The following TMEM235 variants were observed in gnomAD, a reference collection of about 807,000 sequenced individuals.
TMEM235 encodes claudin-27.
In TMEM235, 23 loss-of-function variants were observed where a neutral mutation model predicts 22.9. The observed-to-expected ratio is 1.00, with a 90% CI of 0.72 to 1.42. The LOEUF (loss-of-function observed/expected upper bound fraction) is 1.42, where lower values mean the gene tolerates loss of function less well. Ranked by LOEUF, TMEM235 falls within the 40% of genes most tolerant of loss-of-function variation. The pLI is 0.00. For synonymous variants in TMEM235, 137 were observed against 140.5 expected (o/e 0.98, Z 0.17); for missense variants, 308 against 299.5 (o/e 1.03, Z -0.21).
Position 78,238,986 on chromosome 17 carries a change from C to T in TMEM235, c.410-38C>T. 3 of 1,520,164 alleles carry T rather than the reference C, an allele frequency of 2.0e-6. No homozygotes were observed. The highest frequency in any genetic ancestry group is 2.6e-6 in the Non-Finnish European group (3 of 1,133,908). 94.2% of individuals were successfully genotyped at this position (1,520,164 alleles called of 1,614,324 possible). On this transcript the variant is annotated intron_variant, in intron 4 of 5. Transcript: ENST00000421688. This position sits in a 1 kb window ranked among gnomAD's most constrained non-coding sequence, Gnocchi z 4.3. ...CCACCTGGGCCTGGGCCCGCTAGAGCAGACACCGAGCAGCTGCCCTCCCCA... is the reference window on the plus strand; with the variant it reads ...CCACCTGGGCCTGGGCCCGCTAGAGTAGACACCGAGCAGCTGCCCTCCCCA...
At chr17:78,232,078 T>A (rs1298787605) in exon 2 of TMEM235, 1 of 1,454,978 alleles carries the variant, frequency 6.9e-7, no homozygotes, top group South Asian at 1.3e-5. Flanking sequence ...ACTGCTCAGC[T>A]TCGCGCTCCT....
chr17:78,234,020 A>G, intron 3 of TMEM235, 45 bp downstream of exon 2: 2 of 1,453,268 alleles, frequency 1.4e-6, no homozygotes, highest in Non-Finnish European at 9.2e-7. Context: ...CCAAATATTC[A>G]GGCAAGGCAG....
chr17:78,240,049 G>A (rs1733996365), exon 6 of TMEM235: 2 of 1,475,870 alleles, frequency 1.4e-6, no homozygotes, highest in Non-Finnish European at 1.8e-6. Context: ...GCACTTCCGG[G>A]AAGAGCAGGC....
rs753427244 is a variant in TMEM235, at chr17:78,239,824, C to T, written c.*32C>T. 25 of 1,551,048 alleles carry T rather than the reference C, an allele frequency of 1.6e-5. No homozygotes were observed. The South Asian group carries it at 1.7e-4, about 10-fold the overall frequency. On this transcript the variant is annotated 3_prime_UTR_variant, in exon 6 of 6. Coordinates refer to ENST00000421688, the Ensembl canonical transcript of TMEM235. ...GAGCGGCAGAGGGACCCACCCAGAT[C>T]GCCTGGCGCCAGAGAGATGCCGTCT...
intron 3 of TMEM235, 184 bp from the exon 3 acceptor site, chr17:78,234,409 C>T: frequency 1.1e-6 from 1 of 913,170 alleles, no homozygotes; most frequent in Non-Finnish European, 1.7e-6. Flanking sequence ...CGCCTCCCCT[C>T]CTGGCCTTAG....
rs766108739 is a variant in TMEM235, at chr17:78,234,057, G to A, written c.271+82G>A. 1.2e-4 allele frequency: 151 copies of A among 1,243,318 alleles called. 1 individual carries two copies. Among genetic ancestry groups the A allele is most frequent in the Non-Finnish European group, 1.3e-4 (120 of 901,516 alleles). 77.0% of individuals were successfully genotyped at this position (1,243,318 alleles called of 1,614,324 possible). ...TCCCAGCCATCCCCATCCCCATCCC[G>A]CAGCACTGCTTCCACTGCCCCTGCG... On this transcript the variant is annotated intron_variant, in intron 3 of 5. Transcript: ENST00000421688.
exon 3 of TMEM235, chr17:78,233,936 G>A: frequency 6.5e-7 from 1 of 1,535,504 alleles, no homozygotes; most frequent in South Asian, 1.2e-5. Context: ...TTTTGCCAGT[G>A]AGAGCCTGGA....
intron 2 of TMEM235, among the ~76,000 whole-genome samples, chr17:78,232,884 G>A (rs1434885074): frequency 6.6e-6 from 1 of 152,180 alleles, no homozygotes; most frequent in Non-Finnish European, 1.5e-5. Context: ...TGAGCACCTG[G>A]CTGTGTATGT....
intron 2 of TMEM235, among the ~76,000 whole-genome samples, chr17:78,233,269 C>T (rs2076604731): frequency 6.6e-6 from 1 of 152,250 alleles, no homozygotes; most frequent in South Asian, 2.1e-4. Flanking sequence ...CCGTTTTGTA[C>T]ACCCTTTTTC....
Position 78,239,283 on chromosome 17 carries a change from G to C in TMEM235, c.659+10G>C. The C allele has an allele frequency of 6.5e-7, 1 of 1,536,926 alleles. No homozygotes were observed. The highest frequency in any genetic ancestry group is 8.7e-7 in the Non-Finnish European group (1 of 1,145,822). ...AGCAGGTGGGAGGGAGGTAAGAGGG[G>C]GCTGGGTTTCCCTTTGCACCTCCCG... On this transcript the variant is annotated intron_variant, in intron 5 of 5. Transcript: ENST00000421688.
chr17:78,239,391 GCTGGGGGTGA>G, intron 5 of TMEM235, 118 bp downstream of exon 4: 1 of 1,265,152 alleles, frequency 7.9e-7, no homozygotes, highest in Non-Finnish European at 1.1e-6. Flanking sequence ...CCAGGAAGGG[GCTGGGGGTGA>G]CAAGGGGTGG....
chr17:78,231,493 C>T (rs1308283408), exon 2 of TMEM235: 16 of 1,303,982 alleles, frequency 1.2e-5, no homozygotes, highest in Non-Finnish European at 1.6e-5. Context: ...GGTTGGTCCT[C>T]AGGACTGATA....
intron 3 of TMEM235, 87 bp from the exon 3 acceptor site, chr17:78,234,506 C>G: frequency 5.3e-6 from 8 of 1,510,966 alleles, no homozygotes; most frequent in Non-Finnish European, 7.1e-6. Context: ...CCTGAGAAGA[C>G]GAAGCACCAC....
In TMEM235 at chr17:78,239,802, C is replaced by A. The variant is rs1195581702; in HGVS notation, c.*10C>A. ...CAGAGGGGGAGACTGAGGCCCAGAGCGGCAGAGGGACCCACCCAGATCGCC... is the reference window on the plus strand; with the variant it reads ...CAGAGGGGGAGACTGAGGCCCAGAGAGGCAGAGGGACCCACCCAGATCGCC... On this transcript the variant is annotated 3_prime_UTR_variant, in exon 6 of 6. Coordinates refer to ENST00000421688, the Ensembl canonical transcript of TMEM235. 4.5e-6 allele frequency: 7 copies of A among 1,548,708 alleles called. No homozygotes were observed. In the East Asian group the frequency reaches 1.5e-4, roughly 33 times the overall value.
At chr17:78,240,153 G>A (rs1323853237) in exon 6 of TMEM235, 1 of 1,058,902 alleles carries the variant, frequency 9.4e-7, no homozygotes, top group Non-Finnish European at 1.2e-6. Flanking sequence ...GTATGCCACT[G>A]TGAGTGCCCT....
chr17:78,239,365 C>T (rs918366818), intron 5 of TMEM235, 92 bp downstream of exon 4: 12 of 1,408,572 alleles, frequency 8.5e-6, no homozygotes, highest in Non-Finnish European at 1.1e-5. Context: ...TTCTCTGGGC[C>T]TCGCTGGGGT....
At chr17:78,231,990 AC>A (rs1193875832) in exon 2 of TMEM235, 1 of 1,132,756 alleles carries the variant, frequency 8.8e-7, no homozygotes, top group Non-Finnish European at 1.1e-6. Context: ...GGGCCCTGCT[AC>A]CCCCGACCCG....
chr17:78,232,198 TG>T lies in TMEM235; in HGVS notation c.177del (p.Trp59CysfsTer44). 6.7e-7 allele frequency: 1 copy of T among 1,483,540 alleles called. No homozygotes were observed. The highest frequency in any genetic ancestry group is 1.3e-5 in the South Asian group (1 of 78,810). The allele number at this position is 1,483,540 out of a possible 1,614,324, so 91.9% of individuals were successfully genotyped here. Reference sequence around the variant, plus strand: ...GCTGCTCTCCTCGCACTCGGGGCTCTGGCGCATCTGCGAAGGTAACCGGCCA... The same window carrying T: ...GCTGCTCTCCTCGCACTCGGGGCTCTGCGCATCTGCGAAGGTAACCGGCCA... On this transcript the variant is annotated frameshift_variant, in exon 2 of 6. Coordinates refer to ENST00000421688, the Ensembl canonical transcript of TMEM235. LOFTEE classifies it high-confidence loss of function.
chr17:78,239,720 A>G (rs935295824), intron 5 of TMEM235, 60 bp from the exon 5 acceptor site: 19 of 1,499,580 alleles, frequency 1.3e-5, no homozygotes, highest in Non-Finnish European at 1.6e-5. Flanking sequence ...ACTGGGCTCC[A>G]TGCTCCTCTC....
Sources: allele counts gnomAD v4.1 joint callset (sites outside exome capture counted in the v4.1 genomes callset), GRCh38; gene constraint gnomAD v4.1.1; non-coding constraint Gnocchi (gnomAD v3.1); transcripts MANE v1.5; gene names NCBI Gene and HGNC (gene_info 2026-07-23, HGNC 2026-07-21).